KANK1: variants seen among roughly 807,000 people sequenced by gnomAD.
The protein encoded by KANK1 is KN motif and ankyrin repeat domain-containing protein 1.
In KANK1, 109 loss-of-function variants were observed where a neutral mutation model predicts 106.2. That is an observed-to-expected ratio of 1.03 (90% confidence interval 0.88 to 1.20). The LOEUF (loss-of-function observed/expected upper bound fraction) is 1.20. KANK1 is among the 50% of genes most tolerant of loss of function. The probability of loss-of-function intolerance (pLI) is 0.00; values close to 1 mark genes in which losing one functional copy is unlikely to be tolerated. For synonymous variants in KANK1, 873 were observed against 652.2 expected (o/e 1.34, Z -5.16); for missense variants, 2,399 against 1,710.7 (o/e 1.40, Z -7.10).
At chr9:734,610 G>C in intron 6 of KANK1, 138 bp from the exon 7 acceptor site, 1 of 575,318 alleles carries the variant, frequency 1.7e-6, no homozygotes, top group Non-Finnish European at 3.2e-6. Flanking sequence ...AGGTTGCAGT[G>C]AGCCAAGATC....
intron 1 of KANK1, among the ~76,000 whole-genome samples, chr9:520,027 T>A (rs1034633918): frequency 1.3e-5 from 2 of 151,752 alleles, no homozygotes; most frequent in Non-Finnish European, 2.9e-5. Context: ...GACATACTTA[T>A]GGCAGAGGGT....
chr9:620,489 A>G (rs1026175596), intron 1 of KANK1, among the ~76,000 whole-genome samples: 2 of 151,326 alleles, frequency 1.3e-5, no homozygotes, highest in Non-Finnish European at 2.9e-5. Flanking sequence ...GGCAACCTAC[A>G]CCTCCCAGGT....
chr9:654,723 C>G (rs1841709326), intron 1 of KANK1, among the ~76,000 whole-genome samples: 1 of 151,828 alleles, frequency 6.6e-6, no homozygotes, highest in African/African-American at 2.4e-5. Context: ...GAAAGAGATA[C>G]CAGAATACCT....
At chr9:623,509 C>A (rs1364576433) in intron 1 of KANK1, among the ~76,000 whole-genome samples, 2 of 150,662 alleles carry the variant, frequency 1.3e-5, no homozygotes, top group Non-Finnish European at 2.9e-5. Flanking sequence ...GAGGCTGAGG[C>A]AGGAGGATCA....
chr9:626,531 G>C (rs1305916435), intron 1 of KANK1, among the ~76,000 whole-genome samples: 1 of 152,090 alleles, frequency 6.6e-6, no homozygotes, highest in Non-Finnish European at 1.5e-5. Context: ...TTTCTGTTTT[G>C]TTTTTGTAAT....
intron 1 of KANK1, among the ~76,000 whole-genome samples, chr9:505,872 G>A (rs1192442556): frequency 2.0e-5 from 3 of 152,154 alleles, no homozygotes; most frequent in Non-Finnish European, 4.4e-5. Flanking sequence ...GGAAATGAGG[G>A]TCTGTTTGCT....
At chr9:563,487 T>G (rs1181540088) in intron 1 of KANK1, among the ~76,000 whole-genome samples, 3 of 152,230 alleles carry the variant, frequency 2.0e-5, no homozygotes, top group East Asian at 1.9e-4. Context: ...ACTAGTAATA[T>G]GTTGTTAACT....
chr9:722,680 G>T (rs1054766471), intron 3 of KANK1, among the ~76,000 whole-genome samples: 1 of 152,174 alleles, frequency 6.6e-6, no homozygotes, highest in East Asian at 1.9e-4. Flanking sequence ...GGCAATATAG[G>T]TGACCAATTC....
chr9:720,422 A>G (rs1828993235), intron 3 of KANK1, among the ~76,000 whole-genome samples: 1 of 152,202 alleles, frequency 6.6e-6, no homozygotes, highest in Non-Finnish European at 1.5e-5. Context: ...ATAGCTCACC[A>G]TAGCCCCTAA....
chr9:672,659 T>C (rs762493793), intron 1 of KANK1, among the ~76,000 whole-genome samples: 2 of 152,198 alleles, frequency 1.3e-5, no homozygotes, highest in Admixed American at 6.5e-5. Flanking sequence ...CTTGTTTGCA[T>C]TGGTGTATTT....
intron 1 of KANK1, among the ~76,000 whole-genome samples, chr9:664,979 C>T (rs1022776056): frequency 9.2e-5 from 14 of 152,140 alleles, no homozygotes; most frequent in Non-Finnish European, 2.1e-4. Context: ...TTGAGAAATA[C>T]CTGTTCAGGC....
chr9:564,904 G>A (rs1817439196), intron 1 of KANK1, among the ~76,000 whole-genome samples: 1 of 152,214 alleles, frequency 6.6e-6, no homozygotes, highest in East Asian at 1.9e-4. Context: ...CCACACAGGT[G>A]ACTGCATGAA....
chr9:579,424 T>C (rs962469189), intron 1 of KANK1, among the ~76,000 whole-genome samples: 2 of 152,162 alleles, frequency 1.3e-5, no homozygotes, highest in Middle Eastern at 3.2e-3. Flanking sequence ...CACAGGAAGT[T>C]GAAGGACTCT....
chr9:745,248 A>G lies in KANK1; in HGVS notation c.*13A>G. 6.2e-7 allele frequency: 1 copy of G among 1,613,992 alleles called. No individual in the cohort carries two copies. Among genetic ancestry groups the G allele is most frequent in the Non-Finnish European group, 8.5e-7 (1 of 1,179,888 alleles). On this transcript the variant is annotated 3_prime_UTR_variant, in exon 12 of 12. Coordinates refer to ENST00000382297, the MANE Select transcript of KANK1 (RefSeq NM_015158.5). ...TTCATTTGATTGATTGTATGCAAAT[A>G]GCCCTTTATTTACATGCCACTATTA...
chr9:706,250 T>A (rs999667655), intron 2 of KANK1, among the ~76,000 whole-genome samples: 3 of 152,208 alleles, frequency 2.0e-5, no homozygotes, highest in Non-Finnish European at 2.9e-5. Flanking sequence ...CTAACTTAGT[T>A]AAATTCTAAC....
At chr9:579,172 C>G (rs1821364963) in intron 1 of KANK1, among the ~76,000 whole-genome samples, 1 of 152,128 alleles carries the variant, frequency 6.6e-6, no homozygotes, top group South Asian at 2.1e-4. Flanking sequence ...CAGTTGAGGG[C>G]TGGTGCCCTC....
rs370754727 is a variant in KANK1, at chr9:671,694, ATG to A, written c.-83-5192_-83-5191del. ...TCATGTAAGTACTTCAGGCTCTTAAATGTGTTACTCCAAGGAATAAGGTTGCA... is the reference window on the plus strand; with the variant it reads ...TCATGTAAGTACTTCAGGCTCTTAAATGTTACTCCAAGGAATAAGGTTGCA... On this transcript the variant is annotated intron_variant, in intron 1 of 11. Transcript: ENST00000382297. Among the ~76,000 whole-genome samples, 42 of 151,446 alleles carry A rather than the reference ATG, an allele frequency of 2.8e-4. No individual in the cohort carries two copies. The East Asian group carries it at 6.2e-3, about 22-fold the overall frequency.
chr9:493,192 C>A (rs562757817), intron 3 of KANK1, among the ~76,000 whole-genome samples: 1 of 150,372 alleles, frequency 6.7e-6, no homozygotes, highest in Non-Finnish European at 1.5e-5. Flanking sequence ...TTCTGAGATT[C>A]GGTTATAAAA....
chr9:734,130 A>C (rs1833074488), intron 6 of KANK1: 2 of 150,780 alleles, frequency 1.3e-5, no homozygotes. Context: ...AAAAAAAAAA[A>C]AAACTTAAAA....
Sources: allele counts gnomAD v4.1 joint callset (sites outside exome capture counted in the v4.1 genomes callset), GRCh38; gene constraint gnomAD v4.1.1; transcripts MANE v1.5; gene names NCBI Gene and HGNC (gene_info 2026-07-23, HGNC 2026-07-21).